Variants in UQCRC2 observed in about 807,000 individuals in gnomAD.
UQCRC2 encodes ubiquinol-cytochrome c reductase core protein 2, also known as cytochrome b-c1 complex subunit 2, mitochondrial.
A neutral mutation model predicts 55.6 loss-of-function variants in UQCRC2; 49 were observed. The ratio of observed to expected loss-of-function variants is 0.88; its 90% CI spans 0.70 to 1.12. The LOEUF (loss-of-function observed/expected upper bound fraction) is 1.12. Among genes scored for constraint, UQCRC2 ranks in the 50% most tolerant of loss-of-function variants. The probability of loss-of-function intolerance (pLI) is 0.00; values close to 1 mark genes in which losing one functional copy is unlikely to be tolerated. For missense variants in UQCRC2, 506 were observed against 547.8 expected, an observed-to-expected ratio of 0.92 and a Z score of 0.76; for synonymous variants, 193 against 192.0, an observed-to-expected ratio of 1.01 and a Z score of -0.04.
chr16:21,978,692 A>G (rs533231477), intron 12 of UQCRC2, among the ~76,000 whole-genome samples: 1 of 152,370 alleles, frequency 6.6e-6, no homozygotes, highest in South Asian at 2.1e-4. Flanking sequence ...CAGCTTTCCA[A>G]ATAGTAACGT....
intron 4 of UQCRC2, among the ~76,000 whole-genome samples, chr16:21,960,833 T>A (rs1328240962): frequency 2.0e-5 from 3 of 152,102 alleles, no homozygotes. Flanking sequence ...TCTTTTTTTT[T>A]AATTAATTTA....
chr16:21,964,737 G>A (rs1052194965), intron 6 of UQCRC2, among the ~76,000 whole-genome samples: 1 of 152,098 alleles, frequency 6.6e-6, no homozygotes, highest in South Asian at 2.1e-4. Context: ...ACACACTGCC[G>A]ACATTGCACC....
intron 4 of UQCRC2, 115 bp from the exon 5 acceptor site, chr16:21,962,345 G>T (rs566453635): frequency 8.1e-7 from 1 of 1,233,288 alleles, no homozygotes; most frequent in South Asian, 1.4e-5. Flanking sequence ...ATTATTGTTC[G>T]CACCTTTTAT....
intron 5 of UQCRC2, 55 bp from the exon 6 acceptor site, chr16:21,962,706 C>T (rs1898232807): frequency 6.2e-7 from 1 of 1,610,820 alleles, no homozygotes; most frequent in Non-Finnish European, 8.5e-7. Context: ...TGTAGAATCT[C>T]AAATGTTGGC....
At chr16:21,978,477 T>G (rs989069869) in intron 12 of UQCRC2, among the ~76,000 whole-genome samples, 1 of 152,208 alleles carries the variant, frequency 6.6e-6, no homozygotes. Context: ...GTGCCCATAT[T>G]TAAGCTGCCG....
In UQCRC2 at chr16:21,962,448, T is replaced by C; in HGVS notation, c.333-12T>C. The C allele has an allele frequency of 6.2e-7, 1 of 1,614,096 alleles. No individual in the cohort carries two copies. ...ATTCAGATGATTTACTCTAGTTTAT[T>C]TTCCGATTCAGTGTGACCGCAACAA... On this transcript the variant is annotated splice_polypyrimidine_tract_variant and intron_variant, in intron 4 of 13. Coordinates refer to ENST00000268379, the MANE Select transcript of UQCRC2 (RefSeq NM_003366.4).
At chr16:21,975,112 G>C (rs1025101321) in intron 11 of UQCRC2, among the ~76,000 whole-genome samples, 3 of 152,170 alleles carry the variant, frequency 2.0e-5, no homozygotes, top group Non-Finnish European at 4.4e-5. Context: ...AATGGAGGAG[G>C]TAGGTATTAG....
At chr16:21,982,736 G>A (rs1046552062) in intron 13 of UQCRC2, among the ~76,000 whole-genome samples, 10 of 152,126 alleles carry the variant, frequency 6.6e-5, no homozygotes, top group Admixed American at 6.6e-5. Flanking sequence ...AGGTTAAGGT[G>A]AGTGGATCAC....
intron 11 of UQCRC2, among the ~76,000 whole-genome samples, chr16:21,974,868 T>C (rs1040257892): frequency 4.6e-5 from 7 of 152,138 alleles, no homozygotes; most frequent in African/African-American, 1.7e-4. Context: ...ATTGGGAAGA[T>C]GGGGAAGTAC....
intron 8 of UQCRC2, 38 bp downstream of exon 8, chr16:21,968,723 C>T (rs1385190623): frequency 6.4e-7 from 1 of 1,573,634 alleles, no homozygotes; most frequent in Non-Finnish European, 8.6e-7. Context: ...AGTTTGCTTC[C>T]TTAAGAGCAG....
intron 4 of UQCRC2, among the ~76,000 whole-genome samples, chr16:21,960,145 G>A (rs1429306455): frequency 6.6e-6 from 1 of 152,190 alleles, no homozygotes; most frequent in Non-Finnish European, 1.5e-5. Flanking sequence ...GAATGTCCTG[G>A]ACGGCATCTT....
At chr16:21,966,218 C>G (rs117004763) in intron 7 of UQCRC2, among the ~76,000 whole-genome samples, 1 of 152,070 alleles carries the variant, frequency 6.6e-6, no homozygotes, top group East Asian at 1.9e-4. Flanking sequence ...GACTAAAACT[C>G]TTTGGTCTCT....
intron 4 of UQCRC2, chr16:21,962,184 T>C: frequency 2.5e-6 from 1 of 407,552 alleles, no homozygotes; most frequent in Non-Finnish European, 4.5e-6. Context: ...TTTGTCCCTT[T>C]GTGACTGGCT....
intron 1 of UQCRC2, among the ~76,000 whole-genome samples, chr16:21,954,987 G>C (rs771064939): frequency 2.1e-4 from 32 of 149,900 alleles, no homozygotes; most frequent in Non-Finnish European, 3.0e-5. Context: ...CCCAGGAGGC[G>C]GAGGTTGCAG....
At chr16:21,957,914 T>G (rs1300000642) in intron 3 of UQCRC2, among the ~76,000 whole-genome samples, 1 of 152,258 alleles carries the variant, frequency 6.6e-6, no homozygotes, top group Non-Finnish European at 1.5e-5. Flanking sequence ...TCTGCCTTTG[T>G]TGTCACATGG....
chr16:21,955,924 C>A (rs1898079480), intron 1 of UQCRC2, among the ~76,000 whole-genome samples: 1 of 152,132 alleles, frequency 6.6e-6, no homozygotes, highest in Non-Finnish European at 1.5e-5. Context: ...CTCCCGGATT[C>A]AAGTGATTCT....
chr16:21,970,718 T>A (rs1315382915), intron 8 of UQCRC2, among the ~76,000 whole-genome samples: 1 of 152,182 alleles, frequency 6.6e-6, no homozygotes, highest in Non-Finnish European at 1.5e-5. Context: ...CCCGAGTAGC[T>A]GGGATTACAG....
At chr16:21,975,451 C>T (rs1898559222) in intron 11 of UQCRC2, among the ~76,000 whole-genome samples, 1 of 151,986 alleles carries the variant, frequency 6.6e-6, no homozygotes, top group African/African-American at 2.4e-5. Context: ...GAAGGGGAAA[C>T]AGAGGTCCTA....
chr16:21,957,579 A>C lies in UQCRC2; in HGVS notation c.267+13A>C. On this transcript the variant is annotated intron_variant, in intron 3 of 13. Coordinates refer to ENST00000268379, the MANE Select transcript of UQCRC2 (RefSeq NM_003366.4). ...TACATCCAGTCTGGTGAGTATCTTCACTTCCTCAAGTGTTTGGAAATGCTG... is the reference window on the plus strand; with the variant it reads ...TACATCCAGTCTGGTGAGTATCTTCCCTTCCTCAAGTGTTTGGAAATGCTG... 6.2e-7 allele frequency: 1 copy of C among 1,613,060 alleles called. No individual in the cohort carries two copies. The highest frequency in any genetic ancestry group is 8.5e-7 in the Non-Finnish European group (1 of 1,179,684).
Sources: allele counts gnomAD v4.1 joint callset (sites outside exome capture counted in the v4.1 genomes callset), GRCh38; gene constraint gnomAD v4.1.1; transcripts MANE v1.5; gene names NCBI Gene and HGNC (gene_info 2026-07-23, HGNC 2026-07-21).